Variants in SEMA3F observed in about 807,000 individuals in gnomAD.
The protein encoded by SEMA3F is semaphorin 3F.
SEMA3F carries 30 observed loss-of-function variants against 98.5 expected under a neutral mutation model. The ratio of observed to expected loss-of-function variants is 0.30; its 90% confidence interval spans 0.23 to 0.41. The LOEUF (loss-of-function observed/expected upper bound fraction) is 0.41, where lower values mean the gene tolerates loss of function less well. Ranked by LOEUF, SEMA3F falls within the 10% of genes least tolerant of loss-of-function variation. The probability of loss-of-function intolerance (pLI) is 1.00; values close to 1 mark genes in which losing one functional copy is unlikely to be tolerated. For synonymous variants in SEMA3F, 380 were observed against 444.8 expected, an observed-to-expected ratio of 0.85 and a Z score of 1.83; for missense variants, 866 against 1,119.3, an observed-to-expected ratio of 0.77 and a Z score of 3.23.
rs543301987 is a variant in SEMA3F at position 50,172,653 on chromosome 3, G to A, written c.113-1140G>A. On this transcript the variant is annotated intron_variant, in intron 2 of 18. Coordinates refer to ENST00000002829, the MANE Select transcript of SEMA3F (RefSeq NM_004186.5). ...ATGACTGTCCTGGCTCATTCAAGGT[G>A]GCCTGAGAGTTCCACCATTAGCAGC... 9.9e-5 allele frequency among the ~76,000 whole-genome samples: 15 copies of A among 152,278 alleles called. No homozygotes were observed. The South Asian group carries it at 2.5e-3, about 25-fold the overall frequency.
At position 50,188,118 on chromosome 3, in the gene SEMA3F, C is replaced by T. The variant is rs777323151; in HGVS notation, c.*3C>T. The T allele has an allele frequency of 3.5e-5, 51 of 1,477,402 alleles. 1 individual carries two copies. In the Admixed American group the frequency reaches 1.2e-3, roughly 35 times the overall value. 91.5% of individuals were successfully genotyped at this position (1,477,402 alleles called of 1,614,324 possible). ...GGCACCACCCTCCGGACACATGAGG[C>T]CAGCTGCCTGTGCCTGCCATGGGCC... is the stretch of plus-strand genomic sequence containing the variant. On this transcript the variant is annotated 3_prime_UTR_variant, in exon 19 of 19. Transcript: ENST00000002829. The surrounding 1 kb of genome is among the most constrained non-coding windows in gnomAD (Gnocchi z 4.5).
intron 2 of SEMA3F, among the ~76,000 whole-genome samples, chr3:50,163,984 G>A (rs567734630): frequency 6.4e-4 from 97 of 152,344 alleles, no homozygotes; most frequent in African/African-American, 2.1e-3. Context: ...GGAAGTGGCC[G>A]CTTTGGAGTT....
At chr3:50,155,110 G>C, upstream of SEMA3F, 4 of 416,536 alleles carry the variant, frequency 9.6e-6, no homozygotes, top group East Asian at 4.4e-5. This position sits in a 1 kb window ranked among gnomAD's most constrained non-coding sequence, Gnocchi z 4.9. Context: ...AACGAACCGC[G>C]GCGGTCCGGA....
In SEMA3F at chr3:50,159,705, C is replaced by G. The variant is rs762538866; in HGVS notation, c.83C>G (p.Ala28Gly). The G allele has an allele frequency of 6.2e-7, 1 of 1,612,018 alleles. No individual in the cohort carries two copies. The highest frequency in any genetic ancestry group is 8.5e-7 in the Non-Finnish European group (1 of 1,178,822). Residue 28 changes from alanine (A) to glycine (G), a missense_variant, in exon 2 of 19, where the codon GCC (alanine) becomes GGC (glycine). This residue lies in a region of SEMA3F where 247 missense variants were observed against 276.0 expected (regional missense o/e 0.89). Transcript: ENST00000002829. The stretch of plus-strand genomic sequence containing the variant: ...TTCCCCACCCAGGACCACCTCCCGG[C>G]CACGCCCCGGGTCCGGCTCTCATTC... ...PSFPTQDHLP[A>G]TPRVRLSFKE...
intron 2 of SEMA3F, among the ~76,000 whole-genome samples, chr3:50,171,365 T>C (rs1014360670): frequency 6.6e-6 from 1 of 151,994 alleles, no homozygotes; most frequent in Non-Finnish European, 1.5e-5. Flanking sequence ...GCAGGGTTGA[T>C]ATTATAGAGG....
At chr3:50,181,066 C>CAAA (rs74579972) in intron 7 of SEMA3F, among the ~76,000 whole-genome samples, 1 of 95,480 alleles carries the variant, frequency 1.0e-5, no homozygotes, top group Non-Finnish European at 2.1e-5. Context: ...GACTCCATCT[C>CAAA]AAAAAAAAAA....
chr3:50,176,943 C>A, intron 7 of SEMA3F, 82 bp downstream of exon 7: 1 of 1,147,800 alleles, frequency 8.7e-7, no homozygotes, highest in Non-Finnish European at 1.3e-6. Context: ...AACACTTACC[C>A]AAGGGCAGAG....
intron 12 of SEMA3F, 30 bp downstream of exon 12, chr3:50,183,594 C>A: frequency 6.2e-7 from 1 of 1,608,826 alleles, no homozygotes; most frequent in Non-Finnish European, 8.5e-7. Flanking sequence ...TGCCTCTCCC[C>A]TTTCTCTTCT....
chr3:50,176,652 G>C (rs528479501), intron 6 of SEMA3F, 116 bp from the exon 7 acceptor site: 1 of 741,896 alleles, frequency 1.3e-6, no homozygotes, highest in Admixed American at 1.8e-5. Flanking sequence ...GGGAGTGTAG[G>C]GGGTGGGCTC....
chr3:50,188,019 C>T lies in SEMA3F; in HGVS notation c.2262C>T (p.Pro754=), dbSNP rs758125622. The part of the protein sequence containing the change: ...QYCQGYWRHV[P]PSPREAPGAP... ...GCCAGGGTTACTGGCGCCATGTGCC[C>T]CCCAGCCCCAGGGAGGCTCCAGGGG... Residue 754 remains proline (P), a synonymous_variant, in exon 19 of 19, where the codon CCC becomes CCT. Coordinates refer to ENST00000002829, the MANE Select transcript of SEMA3F (RefSeq NM_004186.5). This position sits in a 1 kb window ranked among gnomAD's most constrained non-coding sequence, Gnocchi z 4.5. The T allele has an allele frequency of 4.4e-6, 7 of 1,601,174 alleles. No individual in the cohort carries two copies. In the African/African-American group the frequency reaches 8.1e-5, roughly 18 times the overall value.
chr3:50,175,442 C>G (rs6767477), intron 6 of SEMA3F, among the ~76,000 whole-genome samples: 1,770 of 152,366 alleles, frequency 0.012, 43 homozygotes, highest in African/African-American at 0.041. Context: ...GCCCTGGGGA[C>G]AGCCATGCCT....
intron 2 of SEMA3F, among the ~76,000 whole-genome samples, chr3:50,160,467 C>T (rs944931111): frequency 1.3e-5 from 2 of 152,198 alleles, no homozygotes; most frequent in Non-Finnish European, 2.9e-5. Context: ...GACAGGTGCA[C>T]GCACACGGTA....
At position 50,186,344 on chromosome 3, in the gene SEMA3F, C is replaced by T. The variant is rs1699212274; in HGVS notation, c.1809C>T (p.Ser603=). 4 of 1,613,634 alleles carry T rather than the reference C, an allele frequency of 2.5e-6. No homozygotes were observed. The East Asian group carries it at 8.9e-5, about 36-fold the overall frequency. Residue 603 remains serine, a synonymous_variant, in exon 17 of 19, where the codon TCC becomes TCT. Transcript: ENST00000002829. ...NPIRQCRGFN[S]NANKNAVESV... ...TCAGGCAGTGCCGTGGGTTCAACTCCAATGGTGAGTATGCTGGGCCTCACT... is the reference window on the plus strand; with the variant it reads ...TCAGGCAGTGCCGTGGGTTCAACTCTAATGGTGAGTATGCTGGGCCTCACT...
chr3:50,159,512 C>T (rs886754228), intron 1 of SEMA3F, 63 bp from the exon 2 acceptor site: 2 of 647,330 alleles, frequency 3.1e-6, no homozygotes, highest in African/African-American at 3.7e-5. Flanking sequence ...CTTTGTTCAC[C>T]TTGGGTAGAA....
chr3:50,163,246 A>G (rs1698278558), intron 2 of SEMA3F, among the ~76,000 whole-genome samples: 4 of 152,208 alleles, frequency 2.6e-5, no homozygotes, highest in Admixed American at 6.5e-5. Flanking sequence ...CAGGCTCCCC[A>G]TGCCCTCTGT....
chr3:50,182,196 G>C lies in SEMA3F; in HGVS notation c.644-88G>C. ...ATGCCCCAGGGAGCCTGAGCGGGGA[G>C]ATAAGGCCCTGCCCTGGAAGTCATC... On this transcript the variant is annotated intron_variant, in intron 7 of 18. Transcript: ENST00000002829. This position sits in a 1 kb window ranked among gnomAD's most constrained non-coding sequence, Gnocchi z 4.5. The C allele has an allele frequency of 1.3e-6, 2 of 1,559,350 alleles. No homozygotes were observed. The highest frequency in any genetic ancestry group is 1.8e-6 in the Non-Finnish European group (2 of 1,132,762).
At position 50,178,103 on chromosome 3, in the gene SEMA3F, G is replaced by A. The variant is rs370335896; in HGVS notation, c.643+1242G>A. The stretch of plus-strand genomic sequence containing the variant: ...CTAAAAATACAAAAATTAGCCAGGC[G>A]TGGTGGCAGGTGCCTGTAATCCCAG... On this transcript the variant is annotated intron_variant, in intron 7 of 18. Coordinates refer to ENST00000002829, the MANE Select transcript of SEMA3F (RefSeq NM_004186.5). Among the ~76,000 whole-genome samples the A allele has an allele frequency of 1.4e-3, 213 of 152,094 alleles. 11 individuals carry two copies. The South Asian group carries it at 0.043, about 30-fold the overall frequency.
At chr3:50,186,507 C>A in intron 17 of SEMA3F, 106 bp from the exon 18 acceptor site, 1 of 1,464,358 alleles carries the variant, frequency 6.8e-7, no homozygotes, top group Non-Finnish European at 9.4e-7. Flanking sequence ...CCCATCAACA[C>A]AGAGCACTAC....
At chr3:50,169,919 G>C (rs926277810) in intron 2 of SEMA3F, among the ~76,000 whole-genome samples, 2 of 152,166 alleles carry the variant, frequency 1.3e-5, no homozygotes, top group African/African-American at 4.8e-5. Flanking sequence ...GATACCCAGG[G>C]CTACTTGCCC....
Sources: allele counts gnomAD v4.1 joint callset (sites outside exome capture counted in the v4.1 genomes callset), GRCh38; gene constraint gnomAD v4.1.1; regional missense constraint gnomAD v4.1.1; non-coding constraint Gnocchi (gnomAD v3.1); transcripts MANE v1.5; gene names NCBI Gene and HGNC (gene_info 2026-07-23, HGNC 2026-07-21).